ST6GALNAC3: variants seen among roughly 807,000 people sequenced by gnomAD.
ST6GALNAC3 encodes the protein alpha-N-acetylgalactosaminide alpha-2,6-sialyltransferase 3.
ST6GALNAC3 carries 25 observed loss-of-function variants against 32.7 expected under a neutral mutation model. That is an observed-to-expected ratio of 0.76 (90% CI 0.56 to 1.07). ST6GALNAC3 has a LOEUF of 1.07. ST6GALNAC3 is among the 50% of genes least tolerant of loss of function. ST6GALNAC3 has a pLI of 0.00. For synonymous variants in ST6GALNAC3, 129 were observed against 133.1 expected (o/e 0.97, Z 0.21); for missense variants, 355 against 382.4 (o/e 0.93, Z 0.60).
chr1:76,389,011 C>CTTTTTTTTTT (rs138986165), intron 2 of ST6GALNAC3, among the ~76,000 whole-genome samples: 32,358 of 105,080 alleles, frequency 0.31, 6,645 homozygotes, highest in Non-Finnish European at 0.38. Context: ...TGGTATATTT[C>CTTTTTTTTTT]CTTTTTTTTT....
chr1:76,308,003 T>A, intron 1 of ST6GALNAC3: 1 of 439,758 alleles, frequency 2.3e-6, no homozygotes, highest in Non-Finnish European at 4.7e-6. Flanking sequence ...AAATTCTAAA[T>A]GTCTCAGCTG....
At chr1:76,414,799 A>G (rs1199180591) in intron 3 of ST6GALNAC3, among the ~76,000 whole-genome samples, 1 of 152,118 alleles carries the variant, frequency 6.6e-6, no homozygotes, top group Non-Finnish European at 1.5e-5. Flanking sequence ...AAAGATAAAA[A>G]GTCTTAAAAT....
At chr1:76,199,660 T>G (rs1171229927) in intron 1 of ST6GALNAC3, among the ~76,000 whole-genome samples, 1 of 152,224 alleles carries the variant, frequency 6.6e-6, no homozygotes, top group Non-Finnish European at 1.5e-5. Flanking sequence ...ATGACCATTT[T>G]GAAATTGGGT....
intron 1 of ST6GALNAC3, among the ~76,000 whole-genome samples, chr1:76,111,918 G>T (rs549659774): frequency 6.6e-6 from 1 of 152,088 alleles, no homozygotes; most frequent in Non-Finnish European, 1.5e-5. Flanking sequence ...CAAAACCGCC[G>T]TTGTCATCAT....
intron 2 of ST6GALNAC3, among the ~76,000 whole-genome samples, chr1:76,397,196 G>C (rs1653032422): frequency 6.6e-6 from 1 of 152,018 alleles, no homozygotes; most frequent in African/African-American, 2.4e-5. Context: ...TCTGATTGCT[G>C]TAACTCAAAG....
intron 1 of ST6GALNAC3, among the ~76,000 whole-genome samples, chr1:76,291,684 A>G (rs1185631795): frequency 1.3e-5 from 2 of 152,214 alleles, no homozygotes; most frequent in African/African-American, 4.8e-5. Context: ...TTGAAATTGC[A>G]AAAGAAAAAA....
At chr1:76,117,602 G>A (rs1166109384) in intron 1 of ST6GALNAC3, among the ~76,000 whole-genome samples, 5 of 93,158 alleles carry the variant, frequency 5.4e-5, no homozygotes, top group South Asian at 6.5e-4. Context: ...GGTTATTCAC[G>A]CTGGACTAGC....
chr1:76,110,771 A>C (rs389889), intron 1 of ST6GALNAC3, among the ~76,000 whole-genome samples: 1 of 152,228 alleles, frequency 6.6e-6, no homozygotes, highest in Non-Finnish European at 1.5e-5. Flanking sequence ...AATTTTAAGC[A>C]CTGATACCAG....
intron 1 of ST6GALNAC3, among the ~76,000 whole-genome samples, chr1:76,309,441 CA>C (rs1646712995): frequency 6.6e-6 from 1 of 152,132 alleles, no homozygotes; most frequent in Non-Finnish European, 1.5e-5. Context: ...CCCTATGACA[CA>C]CACACATTCT....
At chr1:76,598,166 A>G (rs1463633822) in intron 3 of ST6GALNAC3, among the ~76,000 whole-genome samples, 2 of 152,122 alleles carry the variant, frequency 1.3e-5, no homozygotes, top group Non-Finnish European at 2.9e-5. Context: ...TTAGAAGGGC[A>G]CTAATCCTAT....
intron 1 of ST6GALNAC3, among the ~76,000 whole-genome samples, chr1:76,145,590 G>A (rs371490): frequency 0.93 from 142,035 of 152,260 alleles, 67,062 homozygotes; most frequent in East Asian, 1. Flanking sequence ...TTCAATTACG[G>A]AAATAATTAG....
intron 1 of ST6GALNAC3, among the ~76,000 whole-genome samples, chr1:76,214,845 A>G (rs1209000616): frequency 1.3e-5 from 2 of 152,186 alleles, no homozygotes; most frequent in Non-Finnish European, 2.9e-5. Flanking sequence ...AGTCATGAGA[A>G]GTAGCTGACG....
chr1:76,535,412 A>AT (rs1229113520), intron 3 of ST6GALNAC3, among the ~76,000 whole-genome samples: 5 of 152,190 alleles, frequency 3.3e-5, no homozygotes, highest in Non-Finnish European at 7.4e-5. Context: ...CACAAGACAC[A>AT]TTCTGATTTC....
chr1:76,599,608 A>C (rs1489452203), intron 3 of ST6GALNAC3, among the ~76,000 whole-genome samples: 1 of 152,130 alleles, frequency 6.6e-6, no homozygotes, highest in Admixed American at 6.6e-5. Context: ...CTGTGTCTAC[A>C]TGTGAAAAAT....
Position 76,447,957 on chromosome 1 carries a change from T to C in ST6GALNAC3, c.623+35540T>C, listed in dbSNP as rs192220873. ...GAGTCCTTACTGGGGCATCACCTAG[T>C]GGAGCTGTGAGAAGAGCACCACCAT... is the stretch of plus-strand genomic sequence containing the variant. On this transcript the variant is annotated intron_variant, in intron 3 of 4. Coordinates refer to ENST00000328299, the MANE Select transcript of ST6GALNAC3 (RefSeq NM_152996.4). Among the ~76,000 whole-genome samples the C allele has an allele frequency of 3.0e-4, 46 of 152,184 alleles. 1 individual carries two copies. The highest frequency in any genetic ancestry group is 2.9e-3 in the Admixed American group (45 of 15,286).
At chr1:76,309,227 G>A (rs1479028600) in intron 1 of ST6GALNAC3, among the ~76,000 whole-genome samples, 1 of 152,108 alleles carries the variant, frequency 6.6e-6, no homozygotes, top group African/African-American at 2.4e-5. Flanking sequence ...GCACCAAGTT[G>A]TGACTCTTTG....
At chr1:76,622,267 T>C (rs1469880462) in intron 3 of ST6GALNAC3, among the ~76,000 whole-genome samples, 1 of 151,986 alleles carries the variant, frequency 6.6e-6, no homozygotes, top group African/African-American at 2.4e-5. Context: ...TCTGCATTCC[T>C]AATTGTACAT....
chr1:76,286,900 A>C (rs1256818850), intron 1 of ST6GALNAC3, among the ~76,000 whole-genome samples: 1 of 152,218 alleles, frequency 6.6e-6, no homozygotes, highest in Non-Finnish European at 1.5e-5. Context: ...GAGAGAGATG[A>C]TCTATACAAG....
At chr1:76,237,489 C>G (rs1336534082) in intron 1 of ST6GALNAC3, among the ~76,000 whole-genome samples, 5 of 152,062 alleles carry the variant, frequency 3.3e-5, no homozygotes. Flanking sequence ...ATTGAAGAGG[C>G]CATTCAAAAA....
Sources: allele counts gnomAD v4.1 joint callset (sites outside exome capture counted in the v4.1 genomes callset), GRCh38; gene constraint gnomAD v4.1.1; transcripts MANE v1.5; gene names NCBI Gene and HGNC (gene_info 2026-07-23, HGNC 2026-07-21).